The following TET1 variants were observed in gnomAD, a reference collection of about 807,000 sequenced individuals.
TET1 encodes methylcytosine dioxygenase TET1.
In TET1, 13 loss-of-function variants were observed where a neutral mutation model predicts 148.7. The observed-to-expected ratio is 0.09, with a 90% CI of 0.06 to 0.14. TET1 has a LOEUF of 0.14. TET1 is among the 10% of genes least tolerant of loss of function. The pLI, the probability that TET1 is intolerant of heterozygous loss-of-function variation, is 1.00. For missense variants in TET1, 2,182 were observed against 2,553.8 expected (o/e 0.85, Z 3.14); for synonymous variants, 907 against 937.2 (o/e 0.97, Z 0.59).
chr10:68,637,635 G>A (rs554148665), intron 3 of TET1, among the ~76,000 whole-genome samples: 4 of 148,994 alleles, frequency 2.7e-5, no homozygotes, highest in Admixed American at 1.4e-4. Context: ...AAGAGATCTC[G>A]TGGTCGGGCA....
In TET1 at chr10:68,691,102, G is replaced by C; in HGVS notation, c.5699G>C (p.Gly1900Ala). 6.2e-7 allele frequency: 1 copy of C among 1,614,194 alleles called. No homozygotes were observed. Residue 1900 changes from glycine to alanine, a missense_variant, in exon 12 of 12, where the codon GGC becomes GCC. By Grantham distance (60) the Gly-to-Ala change is moderately conservative. Transcript: ENST00000373644. This position sits in a 1 kb window ranked among gnomAD's most constrained non-coding sequence, Gnocchi z 4.4. ...AATGCAGCTGCTGCTGATGGCCCTG[G>C]CATTTCACAGCTTGGCGAAGTGGCT... Reference protein sequence around the residue: ...GANAAAADGPGISQLGEVAPL... With the variant: ...GANAAAADGPAISQLGEVAPL...
chr10:68,572,236 G>T lies in TET1; in HGVS notation c.-103G>T. 5 of 973,150 alleles carry T rather than the reference G, an allele frequency of 5.1e-6. No homozygotes were observed. Among genetic ancestry groups the T allele is most frequent in the Non-Finnish European group, 7.5e-6 (5 of 663,870 alleles). 60.3% of individuals were successfully genotyped at this position (973,150 alleles called of 1,614,324 possible). A position where few individuals can be genotyped will look rare whatever the true frequency, so the allele number is the denominator to read the frequency against. On this transcript the variant is annotated 5_prime_UTR_variant, in exon 2 of 12. Coordinates refer to ENST00000373644, the MANE Select transcript of TET1 (RefSeq NM_030625.3). ...TTTCAGACCAAAACCTTGTGTGACT[G>T]AGCTGAAGAGCAGTGCATCCAGATT...
intron 2 of TET1, among the ~76,000 whole-genome samples, chr10:68,575,541 A>G (rs1264154032): frequency 1.3e-5 from 2 of 151,578 alleles, no homozygotes; most frequent in Admixed American, 1.3e-4. Flanking sequence ...CATCTCTACT[A>G]AAAATACAAA....
At chr10:68,615,936 C>T (rs2795874) in intron 3 of TET1, among the ~76,000 whole-genome samples, 7,056 of 152,270 alleles carry the variant, frequency 0.046, 206 homozygotes, top group Middle Eastern at 0.079. Context: ...CATAAGCCAC[C>T]ACGTCCGGCC....
chr10:68,564,766 T>C (rs1177045038), intron 1 of TET1, among the ~76,000 whole-genome samples: 1 of 152,172 alleles, frequency 6.6e-6, no homozygotes, highest in Non-Finnish European at 1.5e-5. Context: ...TCCCAGTGTT[T>C]TGGGAGGCTG....
Position 68,645,025 on chromosome 10 carries a change from T to C in TET1, c.2296T>C (p.Leu766=). The part of the protein sequence containing the change: ...VRNGIKHVHC[L]PAETNVSFKK... ...AAATGGCATTAAACATGTACACTGTTTACCAGCTGAAACAAATGTTTCATT... is the reference window on the plus strand; with the variant it reads ...AAATGGCATTAAACATGTACACTGTCTACCAGCTGAAACAAATGTTTCATT... Residue 766 remains leucine, a synonymous_variant, in exon 4 of 12, where the codon TTA becomes CTA. Coordinates refer to ENST00000373644, the MANE Select transcript of TET1 (RefSeq NM_030625.3). 1 of 1,613,528 alleles carries C rather than the reference T, an allele frequency of 6.2e-7. No homozygotes were observed. The highest frequency in any genetic ancestry group is 1.7e-4 in the Middle Eastern group (1 of 6,060).
chr10:68,689,529 C>T (rs904420107), intron 11 of TET1, among the ~76,000 whole-genome samples: 7 of 151,658 alleles, frequency 4.6e-5, no homozygotes, highest in African/African-American at 1.7e-4. Context: ...GGTGAAACCC[C>T]GTCTCTACTA....
intron 6 of TET1, among the ~76,000 whole-genome samples, chr10:68,653,617 G>A (rs2054972508): frequency 6.6e-6 from 1 of 151,992 alleles, no homozygotes; most frequent in African/African-American, 2.4e-5. Flanking sequence ...GCCTTCTTTT[G>A]TCCTTTAGAA....
chr10:68,567,831 G>A (rs1249843409), intron 1 of TET1, among the ~76,000 whole-genome samples: 3 of 151,892 alleles, frequency 2.0e-5, no homozygotes, highest in South Asian at 2.1e-4. Flanking sequence ...GAGACCATTC[G>A]TGAGAACATA....
chr10:68,662,045 T>C (rs1425171577), intron 6 of TET1, among the ~76,000 whole-genome samples: 1 of 152,042 alleles, frequency 6.6e-6, no homozygotes, highest in Non-Finnish European at 1.5e-5. Flanking sequence ...CGTCTAACTT[T>C]TGTATTTTTA....
chr10:68,596,917 C>T (rs1253335109), intron 2 of TET1, among the ~76,000 whole-genome samples: 1 of 151,756 alleles, frequency 6.6e-6, no homozygotes, highest in Non-Finnish European at 1.5e-5. Context: ...AAACACCTGT[C>T]TTTGGGCCTT....
chr10:68,588,386 T>C (rs1402776639), intron 2 of TET1, among the ~76,000 whole-genome samples: 2 of 152,188 alleles, frequency 1.3e-5, no homozygotes, highest in Admixed American at 6.5e-5. Flanking sequence ...TCTGCTTTAA[T>C]TTATAAAGTA....
rs2055618509 is a variant in TET1, at chr10:68,693,495, G to A, written c.*1681G>A. 1 of 233,106 alleles carries A rather than the reference G, an allele frequency of 4.3e-6. No homozygotes were observed. The highest frequency in any genetic ancestry group is 2.2e-5 in the African/African-American group (1 of 45,288). The allele number at this position is 233,106 out of a possible 1,614,324, so 14.4% of individuals were successfully genotyped here. On this transcript the variant is annotated 3_prime_UTR_variant, in exon 12 of 12. Coordinates refer to ENST00000373644, the MANE Select transcript of TET1 (RefSeq NM_030625.3). ...AAATAATATCTGGTGCAAAGTATCT[G>A]TTTTGAGCTTTTGACTAATCCAAGT...
chr10:68,673,955 T>A (rs1197337498), intron 8 of TET1, among the ~76,000 whole-genome samples: 1 of 137,170 alleles, frequency 7.3e-6, no homozygotes, highest in Non-Finnish European at 1.6e-5. Context: ...TTTCTTTTTC[T>A]TTTTCTTTTT....
At chr10:68,583,877 C>G (rs1052592113) in intron 2 of TET1, among the ~76,000 whole-genome samples, 4 of 151,654 alleles carry the variant, frequency 2.6e-5, no homozygotes, top group African/African-American at 4.8e-5. Context: ...AACCACTGCA[C>G]ACCAGTCTGG....
chr10:68,639,201 G>A (rs1223832659), intron 3 of TET1, among the ~76,000 whole-genome samples: 1 of 151,114 alleles, frequency 6.6e-6, no homozygotes, highest in African/African-American at 2.4e-5. Flanking sequence ...AGGCTAGAGT[G>A]TAGTGAGGTC....
intron 6 of TET1, among the ~76,000 whole-genome samples, chr10:68,659,704 T>C (rs2055078216): frequency 1.3e-5 from 2 of 152,216 alleles, no homozygotes; most frequent in South Asian, 4.1e-4. Flanking sequence ...GTTAGTTTGT[T>C]TACTTGCTTA....
intron 3 of TET1, among the ~76,000 whole-genome samples, chr10:68,640,255 C>G (rs1442591276): frequency 6.8e-6 from 1 of 147,996 alleles, no homozygotes; most frequent in Non-Finnish European, 1.5e-5. Context: ...GGAAGACTTT[C>G]TCTACCTTAA....
intron 4 of TET1, among the ~76,000 whole-genome samples, chr10:68,650,815 A>G (rs2054921211): frequency 6.6e-6 from 1 of 152,114 alleles, no homozygotes; most frequent in African/African-American, 2.4e-5. Context: ...TAAAAATAGC[A>G]TTTTTTAAGA....
Sources: allele counts gnomAD v4.1 joint callset (sites outside exome capture counted in the v4.1 genomes callset), GRCh38; gene constraint gnomAD v4.1.1; non-coding constraint Gnocchi (gnomAD v3.1); transcripts MANE v1.5; gene names NCBI Gene and HGNC (gene_info 2026-07-23, HGNC 2026-07-21).